Variants in SLIT3 observed in about 807,000 individuals in gnomAD.
The protein encoded by SLIT3 is slit guidance ligand 3, also known as slit homolog 3 protein.
In SLIT3, 68 loss-of-function variants were observed where a neutral mutation model predicts 184.0. That is an observed-to-expected ratio of 0.37 (90% CI 0.30 to 0.45). The LOEUF (loss-of-function observed/expected upper bound fraction) is 0.45, where lower values mean the gene tolerates loss of function less well. Ranked by LOEUF, SLIT3 falls within the 20% of genes least tolerant of loss-of-function variation. SLIT3 has a pLI of 1.00. For missense variants in SLIT3, 1,707 were observed against 2,026.0 expected (o/e 0.84, Z 3.02); for synonymous variants, 831 against 828.6 (o/e 1.00, Z -0.05).
intron 1 of SLIT3, among the ~76,000 whole-genome samples, chr5:169,297,715 T>C (rs545262423): frequency 6.6e-6 from 1 of 152,318 alleles, no homozygotes; most frequent in African/African-American, 2.4e-5. Flanking sequence ...CCTTCTATCT[T>C]TTGCTTACAT....
chr5:169,266,445 T>C (rs904188909), intron 1 of SLIT3, among the ~76,000 whole-genome samples: 2 of 152,200 alleles, frequency 1.3e-5, no homozygotes, highest in African/African-American at 4.8e-5. Context: ...ATACGTGCCA[T>C]TTCCAGGCAA....
intron 20 of SLIT3, among the ~76,000 whole-genome samples, chr5:168,735,581 AAC>A (rs1437417189): frequency 6.6e-6 from 1 of 151,934 alleles, no homozygotes; most frequent in African/African-American, 2.4e-5. Context: ...AGTCTCTGTG[AAC>A]AGTTCTCAGA....
At chr5:169,119,712 C>T (rs777234875) in intron 4 of SLIT3, among the ~76,000 whole-genome samples, 13 of 145,498 alleles carry the variant, frequency 8.9e-5, no homozygotes, top group African/African-American at 1.9e-4. Context: ...AACTGTGGCA[C>T]GCTGCCTCTG....
chr5:168,985,732 T>C (rs1017261353), intron 4 of SLIT3, among the ~76,000 whole-genome samples: 1 of 152,106 alleles, frequency 6.6e-6, no homozygotes, highest in Non-Finnish European at 1.5e-5. Flanking sequence ...ACCGGGAGGC[T>C]GTGAGGTTTG....
rs151060787 is a variant in SLIT3 at position 168,905,037 on chromosome 5, C to T, written c.414-21701G>A. ...AAATAAAAATAAGAAATTAGCTGGG[C>T]GTGGCAGCGTGCACCTGTAGTCCCA... is the stretch of plus-strand genomic sequence containing the variant. On this transcript the variant is annotated intron_variant, in intron 4 of 35. Transcript: ENST00000519560. Among the ~76,000 whole-genome samples the T allele has an allele frequency of 4.2e-3, 634 of 152,092 alleles. 3 individuals carry two copies. The highest frequency in any genetic ancestry group is 0.014 in the African/African-American group (596 of 41,490).
intron 1 of SLIT3, among the ~76,000 whole-genome samples, chr5:169,266,175 A>T (rs572614629): frequency 2.4e-4 from 37 of 152,304 alleles, no homozygotes; most frequent in East Asian, 3.9e-4. Flanking sequence ...ACTTCCCTGC[A>T]CTGCATAGGA....
At chr5:168,789,881 C>T (rs762362893) in intron 10 of SLIT3, 11 of 453,328 alleles carry the variant, frequency 2.4e-5, no homozygotes, top group Non-Finnish European at 2.7e-5. Context: ...GCATCTTCAT[C>T]GGGACACGAG....
intron 4 of SLIT3, among the ~76,000 whole-genome samples, chr5:168,947,715 C>T (rs1249587312): frequency 6.6e-6 from 1 of 152,162 alleles, no homozygotes; most frequent in African/African-American, 2.4e-5. Context: ...AGGCTGGATG[C>T]AGACCCAAGG....
At chr5:168,678,690 C>CAAA (rs1295134915) in intron 32 of SLIT3, among the ~76,000 whole-genome samples, 1 of 151,596 alleles carries the variant, frequency 6.6e-6, no homozygotes, top group Admixed American at 6.6e-5. Context: ...CTCAAAAAAA[C>CAAA]AAACAAACAA....
chr5:168,899,911 C>T (rs1045039693), intron 4 of SLIT3, among the ~76,000 whole-genome samples: 3 of 152,128 alleles, frequency 2.0e-5, no homozygotes, highest in African/African-American at 7.2e-5. Context: ...ACCCTTTCAC[C>T]ACTAACCCCC....
chr5:168,727,053 C>G (rs1233064684), intron 20 of SLIT3, among the ~76,000 whole-genome samples: 3 of 149,692 alleles, frequency 2.0e-5, no homozygotes, highest in African/African-American at 7.4e-5. Flanking sequence ...GGCACGGTGG[C>G]TCACTCTTGT....
chr5:169,221,685 C>T lies in SLIT3; in HGVS notation c.341+23020G>A, dbSNP rs906855030. Among the ~76,000 whole-genome samples the T allele has an allele frequency of 7.9e-5, 12 of 152,166 alleles. 1 individual carries two copies. The highest frequency in any genetic ancestry group is 5.2e-4 in the Admixed American group (8 of 15,284). ...GACTTGCCTTCAGACATCCTTCGCC[C>T]TCCGTTCCTCCTCTGACTCCCCCGC... On this transcript the variant is annotated intron_variant, in intron 3 of 35. Coordinates refer to ENST00000519560, the MANE Select transcript of SLIT3 (RefSeq NM_003062.4).
intron 1 of SLIT3, among the ~76,000 whole-genome samples, chr5:169,297,850 T>C (rs1767559397): frequency 6.6e-6 from 1 of 152,222 alleles, no homozygotes; most frequent in Non-Finnish European, 1.5e-5. Context: ...TCCTCTCACC[T>C]CAGCCTCCCA....
At chr5:169,080,292 G>A (rs771634277) in intron 4 of SLIT3, among the ~76,000 whole-genome samples, 2 of 152,314 alleles carry the variant, frequency 1.3e-5, no homozygotes, top group Non-Finnish European at 2.9e-5. Context: ...TAAGGAGAGC[G>A]TGTTTGTCGG....
chr5:169,284,415 G>A (rs995672771), intron 1 of SLIT3, among the ~76,000 whole-genome samples: 2 of 152,202 alleles, frequency 1.3e-5, no homozygotes, highest in Non-Finnish European at 2.9e-5. Flanking sequence ...GAAAAATGAA[G>A]CCATTGTGAG....
intron 4 of SLIT3, among the ~76,000 whole-genome samples, chr5:168,899,959 C>T (rs1036208031): frequency 1.3e-5 from 2 of 152,040 alleles, no homozygotes; most frequent in African/African-American, 4.8e-5. Context: ...ACACAGAGGC[C>T]CCGGGAAAAG....
chr5:168,670,955 C>T (rs1179945034), intron 34 of SLIT3, among the ~76,000 whole-genome samples: 2 of 151,990 alleles, frequency 1.3e-5, no homozygotes, highest in African/African-American at 4.8e-5. Flanking sequence ...GTTCTAAAGG[C>T]CACCTGGCAG....
In SLIT3 at chr5:169,226,878, C is replaced by G. The variant is rs140613909; in HGVS notation, c.341+17827G>C. ...GTTTTACAATGTGGGACACTGGAGG[C>G]GGGTATTTTAACATCTGCACCAAAG... On this transcript the variant is annotated intron_variant, in intron 3 of 35. Coordinates refer to ENST00000519560, the MANE Select transcript of SLIT3 (RefSeq NM_003062.4). 2.0e-5 allele frequency among the ~76,000 whole-genome samples: 3 copies of G among 152,150 alleles called. No homozygotes were observed. The East Asian group carries it at 5.8e-4, about 29-fold the overall frequency.
intron 29 of SLIT3, among the ~76,000 whole-genome samples, chr5:168,688,333 T>TG (rs1561875317): frequency 1.3e-5 from 2 of 152,066 alleles, no homozygotes; most frequent in Non-Finnish European, 1.5e-5. Context: ...AGGTGAGGGT[T>TG]GGGGGGAAGC....
Sources: gnomAD v4.1 joint callset for allele counts (sites outside exome capture counted in the v4.1 genomes callset) on GRCh38, gnomAD v4.1.1 for gene constraint, MANE v1.5 for transcripts, NCBI Gene and HGNC (gene_info 2026-07-23, HGNC 2026-07-21) for gene names.